ZFHX3: variants seen among roughly 807,000 people sequenced by gnomAD.
ZFHX3 encodes the protein zinc finger homeobox protein 3.
A neutral mutation model predicts 279.1 loss-of-function variants in ZFHX3; 42 were observed. The ratio of observed to expected loss-of-function variants is 0.15; its 90% CI spans 0.12 to 0.19. ZFHX3 has a LOEUF of 0.19. ZFHX3 is among the 10% of genes least tolerant of loss of function. The pLI is 1.00. For synonymous variants in ZFHX3, 2,293 were observed against 1,957.8 expected (o/e 1.17, Z -4.52); for missense variants, 4,981 against 4,754.0 (o/e 1.05, Z -1.40).
intron 4 of ZFHX3, among the ~76,000 whole-genome samples, chr16:73,293,070 T>A (rs1031012689): frequency 6.6e-6 from 1 of 152,104 alleles, no homozygotes; most frequent in African/African-American, 2.4e-5. Flanking sequence ...TGTCTAAAGG[T>A]AGAACCACCT....
chr16:72,994,916 C>T (rs554959315), intron 1 of ZFHX3, among the ~76,000 whole-genome samples: 17 of 152,138 alleles, frequency 1.1e-4, no homozygotes, highest in African/African-American at 2.7e-4. Flanking sequence ...AGCAATATTC[C>T]GGAACCCCTG....
intron 5 of ZFHX3, among the ~76,000 whole-genome samples, chr16:73,169,674 A>C (rs1045507569): frequency 2.0e-5 from 3 of 152,106 alleles, no homozygotes; most frequent in Non-Finnish European, 4.4e-5. Flanking sequence ...AGGAAAAAAA[A>C]AAAAAAGTAA....
At chr16:73,536,770 C>A (rs1284409593) in intron 2 of ZFHX3, among the ~76,000 whole-genome samples, 2 of 152,004 alleles carry the variant, frequency 1.3e-5, no homozygotes, top group Non-Finnish European at 2.9e-5. Context: ...CACGAGAGTC[C>A]GGATTTGTCA....
chr16:73,130,940 G>C (rs1265227357), intron 7 of ZFHX3: 3 of 1,300,340 alleles, frequency 2.3e-6, no homozygotes, highest in Non-Finnish European at 3.0e-6. Flanking sequence ...CAAATGGCTA[G>C]GGGCACTATA....
Position 72,784,125 on chromosome 16 carries a change from G to A in ZFHX3, c.*3039C>T, listed in dbSNP as rs1051022983. 6.6e-6 allele frequency: 1 copy of A among 152,574 alleles called. No individual in the cohort carries two copies. Among genetic ancestry groups the A allele is most frequent in the African/African-American group, 2.4e-5 (1 of 41,420 alleles). The allele number at this position is 152,574 out of a possible 1,614,324, so 9.5% of individuals were successfully genotyped here. A position where few individuals can be genotyped will look rare whatever the true frequency, so the allele number is the denominator to read the frequency against. ...ACCCCTCTGAGAACACTAGGTGGGT[G>A]GAAGTGTGCTCAGCCAATCTATTCA... On this transcript the variant is annotated 3_prime_UTR_variant, in exon 10 of 10. Coordinates refer to ENST00000268489, the MANE Select transcript of ZFHX3 (RefSeq NM_006885.4).
intron 2 of ZFHX3, among the ~76,000 whole-genome samples, chr16:73,649,246 T>A (rs1325683977): frequency 1.3e-5 from 2 of 152,130 alleles, no homozygotes; most frequent in Non-Finnish European, 2.9e-5. Context: ...TTATACTCAT[T>A]TTTCCCAAAG....
intron 2 of ZFHX3, among the ~76,000 whole-genome samples, chr16:73,630,507 A>G (rs1042271132): frequency 6.6e-6 from 1 of 152,264 alleles, no homozygotes; most frequent in Admixed American, 6.5e-5. Context: ...TTCAGGGAAC[A>G]GGGTTTCACG....
intron 1 of ZFHX3, among the ~76,000 whole-genome samples, chr16:73,823,485 C>A (rs115040372): frequency 6.6e-6 from 1 of 152,252 alleles, no homozygotes; most frequent in Non-Finnish European, 1.5e-5. Flanking sequence ...TGGCTGGAAC[C>A]CCAAGAAAGG....
chr16:73,812,617 T>C (rs1162462347), intron 1 of ZFHX3: 2 of 152,320 alleles, frequency 1.3e-5, no homozygotes, highest in Non-Finnish European at 2.9e-5. Context: ...CCTGCCCCTC[T>C]GATGGAATTG....
chr16:73,613,071 G>T (rs546561246), intron 2 of ZFHX3, among the ~76,000 whole-genome samples: 3 of 152,234 alleles, frequency 2.0e-5, no homozygotes, highest in Non-Finnish European at 2.9e-5. Flanking sequence ...ATTTGAATTT[G>T]GGAAACAGAT....
intron 4 of ZFHX3, among the ~76,000 whole-genome samples, chr16:72,841,202 G>A (rs1245314803): frequency 6.6e-6 from 1 of 152,192 alleles, no homozygotes; most frequent in Non-Finnish European, 1.5e-5. Context: ...TCTACACGTG[G>A]AAAGTCAAAA....
exon 1 of ZFHX3, chr16:73,058,928 G>A (rs1597142170): frequency 5.8e-6 from 1 of 171,944 alleles, no homozygotes. Context: ...AGGCGGCGGC[G>A]GCGGCTGCGG....
At chr16:73,256,427 T>G (rs34842293) in intron 5 of ZFHX3, among the ~76,000 whole-genome samples, 43,921 of 152,176 alleles carry the variant, frequency 0.29, 7,283 homozygotes, top group Non-Finnish European at 0.39. Context: ...ATAGGATGTT[T>G]TCAATGTTTA....
At chr16:73,474,679 C>T (rs1308802102) in intron 2 of ZFHX3, among the ~76,000 whole-genome samples, 1 of 152,180 alleles carries the variant, frequency 6.6e-6, no homozygotes, top group Non-Finnish European at 1.5e-5. Flanking sequence ...AGGTCTCCAT[C>T]CCAGCTGGCA....
rs116399277 is a variant in ZFHX3, at chr16:72,931,538, C to T, written c.3216+18931G>A. On this transcript the variant is annotated intron_variant, in intron 3 of 9. Coordinates refer to ENST00000268489, the MANE Select transcript of ZFHX3 (RefSeq NM_006885.4). ...CCAAGGAGATTAACTTCCAACGTAC[C>T]GACAGGGAAGAGGAGGGATGCACCA... Among the ~76,000 whole-genome samples, 1,264 of 144,554 alleles carry T rather than the reference C, an allele frequency of 8.7e-3. 21 individuals are homozygous for T. The highest frequency in any genetic ancestry group is 0.031 in the African/African-American group (1,209 of 38,544). The allele number at this position is 144,554 out of a possible 152,430, so 94.8% of individuals were successfully genotyped here. A position where few individuals can be genotyped will look rare whatever the true frequency, so the allele number is the denominator to read the frequency against.
intron 5 of ZFHX3, among the ~76,000 whole-genome samples, chr16:73,182,064 C>A (rs999022648): frequency 2.0e-5 from 3 of 152,200 alleles, no homozygotes; most frequent in Admixed American, 1.3e-4. Flanking sequence ...ACAGAATAGG[C>A]TAGACAAGGC....
At chr16:73,426,059 C>T (rs1483189783) in intron 3 of ZFHX3, among the ~76,000 whole-genome samples, 1 of 152,192 alleles carries the variant, frequency 6.6e-6, no homozygotes, top group Non-Finnish European at 1.5e-5. Context: ...CCCTTGGGCC[C>T]TGGCTGGCCA....
chr16:73,024,572 T>G (rs552894674), intron 1 of ZFHX3, among the ~76,000 whole-genome samples: 3 of 152,168 alleles, frequency 2.0e-5, no homozygotes, highest in Non-Finnish European at 2.9e-5. Context: ...GGACTGGGAA[T>G]GCAATGATAA....
At chr16:73,891,013 C>A (rs1289640435) in intron 1 of ZFHX3, among the ~76,000 whole-genome samples, 1 of 147,062 alleles carries the variant, frequency 6.8e-6, no homozygotes, top group Non-Finnish European at 1.5e-5. Flanking sequence ...CCTACCCCAC[C>A]TCGCCGCTCC....
Sources: allele counts gnomAD v4.1 joint callset (sites outside exome capture counted in the v4.1 genomes callset), GRCh38; gene constraint gnomAD v4.1.1; transcripts MANE v1.5; gene names NCBI Gene and HGNC (gene_info 2026-07-23, HGNC 2026-07-21).